The following ZFYVE26 variants were observed in gnomAD, a reference collection of about 807,000 sequenced individuals.
ZFYVE26 encodes the protein zinc finger FYVE domain-containing protein 26.
ZFYVE26 carries 181 observed loss-of-function variants against 276.5 expected under a neutral mutation model. The observed-to-expected ratio is 0.65, with a 90% CI of 0.58 to 0.74. ZFYVE26 has a LOEUF of 0.74. ZFYVE26 is among the 30% of genes least tolerant of loss of function. The pLI is 0.00. For synonymous variants in ZFYVE26, 1,129 were observed against 1,203.1 expected (o/e 0.94, Z 1.27); for missense variants, 2,821 against 3,097.9 (o/e 0.91, Z 2.12).
chr14:67,795,976 A>G (rs2039943461), intron 12 of ZFYVE26, among the ~76,000 whole-genome samples: 1 of 152,202 alleles, frequency 6.6e-6, no homozygotes, highest in Non-Finnish European at 1.5e-5. Context: ...ATCACTATTA[A>G]ATATATTGGT....
chr14:67,809,168 C>T (rs376196630), intron 4 of ZFYVE26, 32 bp downstream of exon 4: 59 of 1,587,706 alleles, frequency 3.7e-5, no homozygotes, highest in Non-Finnish European at 4.6e-5. Flanking sequence ...GACTGTCAAC[C>T]CTGGGCAGAT....
intron 5 of ZFYVE26, 33 bp from the exon 6 acceptor site, chr14:67,806,708 C>G (rs2040188192): frequency 6.2e-7 from 1 of 1,613,514 alleles, no homozygotes; most frequent in African/African-American, 1.3e-5. Context: ...ATCAGGAAAC[C>G]AAGAACTCTT....
intron 13 of ZFYVE26, among the ~76,000 whole-genome samples, chr14:67,740,215 T>C (rs1350791094): frequency 2.0e-5 from 3 of 152,226 alleles, no homozygotes; most frequent in Admixed American, 2.0e-4. Context: ...TATGTTGTTA[T>C]AGTCATCTAA....
At chr14:67,777,792 CT>C in intron 24 of ZFYVE26, 57 bp from the exon 25 acceptor site, 1 of 1,598,274 alleles carries the variant, frequency 6.3e-7, no homozygotes, top group Non-Finnish European at 8.6e-7. Context: ...CTTAGACCAG[CT>C]TTGTTTTGTT....
chr14:67,783,446 C>T lies in ZFYVE26; in HGVS notation c.3706G>A (p.Ala1236Thr). Residue 1236 changes from alanine (A) to threonine (T), a missense_variant, in exon 21 of 42, where the codon GCT (alanine) becomes ACT (threonine). Ala to Thr is a moderately conservative substitution (Grantham distance 58). Transcript: ENST00000347230. ...VIVSCCCEPLALCSSRQSQQT... is the reference protein window; with the variant it reads ...VIVSCCCEPLTLCSSRQSQQT... ...TGGCTTTGCCGGGATGAGCAAAGAG[C>T]AAGGGGCTCACAGCAGCAGCTGACG... 1 of 1,614,096 alleles carries T rather than the reference C, an allele frequency of 6.2e-7. No homozygotes were observed. The highest frequency in any genetic ancestry group is 8.5e-7 in the Non-Finnish European group (1 of 1,180,022).
Position 67,777,682 on chromosome 14 carries a change from G to A in ZFYVE26, c.4851C>T (p.Ser1617=), listed in dbSNP as rs1370134275. ...TGGCCAAGCTAGTGTGCTGGTCGAGGGATTGCTCTGTCACTTCAAGGCACA... is the reference window on the plus strand; with the variant it reads ...TGGCCAAGCTAGTGTGCTGGTCGAGAGATTGCTCTGTCACTTCAAGGCACA... ...PTMCLEVTEQ[S]LDQHTSLATS... is the part of the protein sequence containing the mutation. The change falls in exon 25 of 42, where the codon TCC becomes TCT. Residue 1617 remains serine, a synonymous_variant. Transcript: ENST00000347230. 2 of 1,613,978 alleles carry A rather than the reference G, an allele frequency of 1.2e-6. No individual in the cohort carries two copies. The highest frequency in any genetic ancestry group is 1.7e-6 in the Non-Finnish European group (2 of 1,180,022).
chr14:67,751,858 T>C (rs2038654053), intron 40 of ZFYVE26, among the ~76,000 whole-genome samples: 1 of 143,754 alleles, frequency 7.0e-6, no homozygotes, highest in Non-Finnish European at 1.5e-5. Context: ...CGAGACTCTG[T>C]CTCAAAAAAA....
At chr14:67,774,053 G>A (rs540479976) in intron 27 of ZFYVE26, among the ~76,000 whole-genome samples, 2 of 152,234 alleles carry the variant, frequency 1.3e-5, no homozygotes, top group South Asian at 2.1e-4. Context: ...ATACTAGATT[G>A]CATATTTGTA....
Position 67,733,733 on chromosome 14 carries a change from C to T in ZFYVE26, n.2680-3914G>A, listed in dbSNP as rs370130138. 7.6e-6 allele frequency: 12 copies of T among 1,583,704 alleles called. 1 individual carries two copies. Among genetic ancestry groups the T allele is most frequent in the Middle Eastern group, 1.7e-4 (1 of 6,020 alleles). ...CTCATTCCTGGAATTTACTGTCTTT[C>T]TCTGCCCTCCAGTGACTGCAAGAGG... On this transcript the variant is annotated intron_variant and non_coding_transcript_variant, in intron 13 of 14. Transcript: ENST00000394455.
chr14:67,814,735 T>A lies in ZFYVE26; in HGVS notation c.195-671A>T, dbSNP rs183964140. On this transcript the variant is annotated intron_variant, in intron 2 of 41. Transcript: ENST00000347230. ...TTAAAAAAGGAACTTCATACAAATT[T>A]ATTTTTAACTATATGCTAAAAACAG... is the stretch of plus-strand genomic sequence containing the variant. Among the ~76,000 whole-genome samples, 469 of 152,336 alleles carry A rather than the reference T, an allele frequency of 3.1e-3. 2 individuals are homozygous for A. The highest frequency in any genetic ancestry group is 4.8e-3 in the Non-Finnish European group (327 of 68,024).
At chr14:67,799,123 G>C (rs2040027430) in intron 10 of ZFYVE26, 5 of 1,393,742 alleles carry the variant, frequency 3.6e-6, no homozygotes, top group Non-Finnish European at 4.1e-6. Context: ...ACTAGGAGGC[G>C]TACTGGCGGC....
intron 25 of ZFYVE26, among the ~76,000 whole-genome samples, chr14:67,777,097 G>A (rs867703049): frequency 2.0e-5 from 3 of 152,226 alleles, no homozygotes; most frequent in Admixed American, 6.5e-5. Flanking sequence ...TCAAGCAGTC[G>A]TTTTAAATCC....
intron 29 of ZFYVE26, 30 bp downstream of exon 29, chr14:67,769,564 A>C (rs1292269234): frequency 3.1e-6 from 5 of 1,611,656 alleles, no homozygotes; most frequent in Non-Finnish European, 4.2e-6. Context: ...GCGGTCAATA[A>C]TAGCAACAGC....
Position 67,781,610 on chromosome 14 carries a change from G to A in ZFYVE26, c.4373-81C>T, listed in dbSNP as rs1000710000. 3 of 1,335,730 alleles carry A rather than the reference G, an allele frequency of 2.2e-6. No homozygotes were observed. In the African/African-American group the frequency reaches 4.3e-5, roughly 19 times the overall value. 82.7% of individuals were successfully genotyped at this position (1,335,730 alleles called of 1,614,324 possible). ...GAGTCCAGGTTACTTCTTGAGAAAG[G>A]GCTTTCTTCAATCTCGTAAAAGAGG... On this transcript the variant is annotated intron_variant, in intron 21 of 41. Coordinates refer to ENST00000347230, the MANE Select transcript of ZFYVE26 (RefSeq NM_015346.4).
chr14:67,771,045 T>C (rs2039196915), intron 28 of ZFYVE26, among the ~76,000 whole-genome samples: 1 of 152,064 alleles, frequency 6.6e-6, no homozygotes, highest in Admixed American at 6.6e-5. Context: ...GACTCAGGGG[T>C]TTAGTGTACA....
intron 4 of ZFYVE26, 67 bp downstream of exon 4, chr14:67,809,133 T>C: frequency 7.3e-7 from 1 of 1,364,066 alleles, no homozygotes; most frequent in Non-Finnish European, 1.0e-6. Flanking sequence ...CTCTTCTGGG[T>C]CCATGGAAGC....
chr14:67,778,298 CT>C, intron 23 of ZFYVE26, 50 bp from the exon 24 acceptor site: 2 of 1,612,658 alleles, frequency 1.2e-6, no homozygotes, highest in Non-Finnish European at 1.7e-6. Context: ...CTGCCTGATT[CT>C]TCTCAGCAGT....
At chr14:67,785,554 T>C (rs1286189293) in intron 18 of ZFYVE26, among the ~76,000 whole-genome samples, 2 of 152,200 alleles carry the variant, frequency 1.3e-5, no homozygotes, top group Admixed American at 1.3e-4. Context: ...AACAACTTTA[T>C]GAAGAACACA....
At chr14:67,805,427 C>T in intron 7 of ZFYVE26, 27 bp downstream of exon 7, 1 of 1,614,122 alleles carries the variant, frequency 6.2e-7, no homozygotes, top group East Asian at 2.2e-5. Flanking sequence ...ACTTCCAGAG[C>T]AGCCTGGGAT....
Sources: gnomAD v4.1 joint callset for allele counts (sites outside exome capture counted in the v4.1 genomes callset) on GRCh38, gnomAD v4.1.1 for gene constraint, MANE v1.5 for transcripts, NCBI Gene and HGNC (gene_info 2026-07-23, HGNC 2026-07-21) for gene names.